Variants in PDE1C observed in about 807,000 individuals in gnomAD.
PDE1C encodes the protein phosphodiesterase 1C, also known as dual specificity calcium/calmodulin-dependent 3',5'-cyclic nucleotide phosphodiesterase 1C.
Under a neutral mutation model 93.1 loss-of-function variants are expected in PDE1C, and 62 were observed. The observed-to-expected ratio is 0.67, with a 90% CI of 0.54 to 0.82. PDE1C has a LOEUF of 0.82. Ranked by LOEUF, PDE1C falls within the 40% of genes least tolerant of loss-of-function variation. PDE1C has a pLI of 0.00. For synonymous variants in PDE1C, 325 were observed against 310.1 expected (o/e 1.05, Z -0.50); for missense variants, 742 against 884.6 (o/e 0.84, Z 2.04).
chr7:31,966,550 T>C (rs939851007), intron 2 of PDE1C, among the ~76,000 whole-genome samples: 3 of 152,126 alleles, frequency 2.0e-5, no homozygotes, highest in South Asian at 2.1e-4. Context: ...GACAGATCAA[T>C]GAGACAGAAC....
intron 1 of PDE1C, among the ~76,000 whole-genome samples, chr7:32,414,789 T>A (rs906167300): frequency 1.3e-5 from 2 of 149,382 alleles, no homozygotes; most frequent in Admixed American, 1.3e-4. Flanking sequence ...CAGGTGAAGA[T>A]GACCCAGAAA....
intron 1 of PDE1C, among the ~76,000 whole-genome samples, chr7:32,264,318 C>T (rs1810419303): frequency 6.6e-6 from 1 of 152,142 alleles, no homozygotes; most frequent in Non-Finnish European, 1.5e-5. Context: ...TTAATATAGC[C>T]AAGCCCTTCA....
the PDE1C span, among the ~76,000 whole-genome samples, chr7:31,679,070 A>G: frequency 6.6e-6 from 1 of 152,174 alleles, no homozygotes; most frequent in Non-Finnish European, 1.5e-5. Flanking sequence ...TCTAGTAAAA[A>G]CTACATGCTT....
chr7:32,428,142 C>G (rs574161092), upstream of PDE1C: 1 of 152,496 alleles, frequency 6.6e-6, no homozygotes, highest in South Asian at 2.1e-4. Context: ...CTCAGCGGGC[C>G]GGGCCGGACC....
Position 31,880,748 on chromosome 7 carries a change from T to C in PDE1C, c.241A>G (p.Arg81Gly), listed in dbSNP as rs1301935010. 1 of 1,559,806 alleles carries C rather than the reference T, an allele frequency of 6.4e-7. No individual in the cohort carries two copies. The highest frequency in any genetic ancestry group is 8.8e-7 in the Non-Finnish European group (1 of 1,132,934). The change falls in exon 3 of 18, where the codon AGG (arginine) becomes GGG (glycine). Residue 81 changes from arginine to glycine, a missense_variant and splice_region_variant. Around this residue, in one of 4 missense-constraint regions of PDE1C, gnomAD observed 9 missense variants for 41.6 expected, o/e 0.22. Coordinates refer to ENST00000396191, the MANE Select transcript of PDE1C (RefSeq NM_001191057.4). ...TCTCTTTTGTTATTTTTAGCTTACCTTGTTTCATCAATATACACAGATTCA... is the reference window on the plus strand; with the variant it reads ...TCTCTTTTGTTATTTTTAGCTTACCCTGTTTCATCAATATACACAGATTCA... ...VLESVYIDET[R>G]RLLDTEDELS...
chr7:31,650,103 C>T, the PDE1C span, among the ~76,000 whole-genome samples: 40 of 152,240 alleles, frequency 2.6e-4, no homozygotes, highest in Non-Finnish European at 4.9e-4. Context: ...GACAGAGGCC[C>T]AAACCTTCTA....
In PDE1C at chr7:32,147,270, AAAAAAGAAAGAAAGAAAG is replaced by A. The variant is rs1331913182; in HGVS notation, c.308+22497_308+22514del. 8.4e-3 allele frequency among the ~76,000 whole-genome samples: 489 copies of A among 57,884 alleles called. 8 individuals are homozygous for A. Among genetic ancestry groups the A allele is most frequent in the African/African-American group, 0.025 (371 of 14,840 alleles). The allele number at this position is 57,884 out of a possible 152,430, so 38.0% of individuals were successfully genotyped here. Reference sequence around the variant, plus strand: ...AAGAAAGAAAAGAAAGAAAGAAAGAAAAAAAGAAAGAAAGAAAGAAAGAAAGAAAGAAAGAAAGAAAGA... The same window carrying A: ...AAGAAAGAAAAGAAAGAAAGAAAGAAAAAGAAAGAAAGAAAGAAAGAAAGA... On this transcript the variant is annotated intron_variant, in intron 3 of 18. Coordinates refer to the PDE1C transcript ENST00000396193.
the PDE1C span, among the ~76,000 whole-genome samples, chr7:31,670,740 C>T: frequency 6.6e-6 from 1 of 152,134 alleles, no homozygotes; most frequent in Non-Finnish European, 1.5e-5. Context: ...CCTGGAACCG[C>T]AGCCCAAAGT....
intron 2 of PDE1C, among the ~76,000 whole-genome samples, chr7:31,977,687 A>T (rs1047515860): frequency 2.0e-5 from 3 of 152,210 alleles, no homozygotes; most frequent in Non-Finnish European, 4.4e-5. Context: ...TTGTGTGTTC[A>T]TCTTGTTTGT....
chr7:31,780,985 T>C (rs1783369844), intron 16 of PDE1C, among the ~76,000 whole-genome samples: 1 of 152,222 alleles, frequency 6.6e-6, no homozygotes, highest in African/African-American at 2.4e-5. Context: ...CCACTGCAGC[T>C]TATGTGACTT....
the PDE1C span, among the ~76,000 whole-genome samples, chr7:31,691,572 C>T: frequency 6.6e-6 from 1 of 151,958 alleles, no homozygotes; most frequent in Non-Finnish European, 1.5e-5. Context: ...TCCACTGCTC[C>T]TGGGCGACAG....
the PDE1C span, among the ~76,000 whole-genome samples, chr7:31,625,624 G>C: frequency 6.6e-6 from 1 of 152,064 alleles, no homozygotes; most frequent in Non-Finnish European, 1.5e-5. Flanking sequence ...GACTGTTGTG[G>C]GGTGGGAGGA....
the PDE1C span, among the ~76,000 whole-genome samples, chr7:31,681,474 C>G: frequency 1.3e-5 from 2 of 152,150 alleles, no homozygotes; most frequent in Non-Finnish European, 2.9e-5. Flanking sequence ...TCAAAACCAT[C>G]TCTCCTTTCT....
intron 3 of PDE1C, among the ~76,000 whole-genome samples, chr7:32,117,486 C>A (rs1295313728): frequency 6.6e-6 from 1 of 152,214 alleles, no homozygotes; most frequent in Non-Finnish European, 1.5e-5. Flanking sequence ...AGAGCCATAA[C>A]TGGAACCTAA....
chr7:31,837,125 A>C, intron 11 of PDE1C, 55 bp downstream of exon 11: 2 of 1,567,652 alleles, frequency 1.3e-6, no homozygotes, highest in Non-Finnish European at 1.7e-6. Flanking sequence ...TGAGATATAA[A>C]ATTCATAAAA....
chr7:31,730,997 A>G, the PDE1C span, among the ~76,000 whole-genome samples: 5 of 152,098 alleles, frequency 3.3e-5, no homozygotes, highest in Non-Finnish European at 7.4e-5. Context: ...AAGGAGAGTC[A>G]AACTAGAAAA....
At chr7:32,359,249 C>T (rs910552752) in intron 1 of PDE1C, among the ~76,000 whole-genome samples, 10 of 152,110 alleles carry the variant, frequency 6.6e-5, no homozygotes, top group Non-Finnish European at 1.0e-4. Context: ...TATAAATCCC[C>T]GTTTTTCCAT....
chr7:32,216,271 C>G (rs1261697083), intron 1 of PDE1C, among the ~76,000 whole-genome samples: 1 of 152,138 alleles, frequency 6.6e-6, no homozygotes, highest in Non-Finnish European at 1.5e-5. Context: ...ACCACAGGTC[C>G]CAACTGCCCC....
chr7:31,836,796 C>T (rs915844242), intron 11 of PDE1C, among the ~76,000 whole-genome samples: 5 of 151,996 alleles, frequency 3.3e-5, no homozygotes, highest in African/African-American at 1.2e-4. Context: ...AACAACCCAA[C>T]CAATTATAAT....
Sources: gnomAD v4.1 joint callset for allele counts (sites outside exome capture counted in the v4.1 genomes callset) on GRCh38, gnomAD v4.1.1 for gene constraint, gnomAD v4.1.1 regional missense constraint, MANE v1.5 for transcripts, NCBI Gene and HGNC (gene_info 2026-07-23, HGNC 2026-07-21) for gene names.